Variants in PRDM1 observed in about 807,000 individuals in gnomAD.
PRDM1 encodes the protein PR domain zinc finger protein 1.
In PRDM1, 13 loss-of-function variants were observed where a neutral mutation model predicts 62.8. The observed-to-expected ratio is 0.21, with a 90% CI of 0.13 to 0.33. The LOEUF is 0.33. Ranked by LOEUF, PRDM1 falls within the 10% of genes least tolerant of loss-of-function variation. The pLI, the probability that PRDM1 is intolerant of heterozygous loss-of-function variation, is 1.00. For synonymous variants in PRDM1, 396 were observed against 417.6 expected (o/e 0.95, Z 0.63); for missense variants, 895 against 1,058.8 (o/e 0.85, Z 2.15).
chr6:106,060,093 C>A (rs1446910182), intron 1 of PRDM1, among the ~76,000 whole-genome samples: 1 of 152,072 alleles, frequency 6.6e-6, no homozygotes, highest in African/African-American at 2.4e-5. Flanking sequence ...GAGTTGTCAG[C>A]ATGTAGTTAA....
chr6:106,101,280 G>T (rs1302708078), intron 4 of PRDM1, among the ~76,000 whole-genome samples: 1 of 152,040 alleles, frequency 6.6e-6, no homozygotes, highest in Non-Finnish European at 1.5e-5. Flanking sequence ...CAGTGACTTT[G>T]CACCAACCAC....
At chr6:106,019,446 TA>T (rs201174927) in intron 1 of PRDM1, among the ~76,000 whole-genome samples, 25 of 147,534 alleles carry the variant, frequency 1.7e-4, no homozygotes, top group Admixed American at 2.0e-4. Context: ...TCCCTATAAT[TA>T]AAAAAAAAAT....
chr6:105,999,892 C>T (rs1230588112), intron 1 of PRDM1, among the ~76,000 whole-genome samples: 1 of 152,068 alleles, frequency 6.6e-6, no homozygotes, highest in Non-Finnish European at 1.5e-5. Context: ...CTTGCTCTGT[C>T]GCCCAGGCTG....
Position 106,105,196 on chromosome 6 carries a change from A to G in PRDM1, c.1036A>G (p.Ser346Gly). ...SPSARSSPDQ[S>G]LKSSSPHSSP... The stretch of plus-strand genomic sequence containing the variant: ...CTCTGCAAGAAGCAGCCCCGACCAA[A>G]GCCTCAAGAGCTCCAGCCCTCACAG... The change falls in exon 5 of 7, where the codon AGC becomes GGC. Residue 346 changes from serine to glycine, a missense_variant. Transcript: ENST00000369096. 1 of 1,613,546 alleles carries G rather than the reference A, an allele frequency of 6.2e-7. No homozygotes were observed. The highest frequency in any genetic ancestry group is 8.5e-7 in the Non-Finnish European group (1 of 1,179,920).
At chr6:105,997,454 T>A (rs1772361766) in intron 1 of PRDM1, among the ~76,000 whole-genome samples, 1 of 152,232 alleles carries the variant, frequency 6.6e-6, no homozygotes, top group African/African-American at 2.4e-5. Context: ...AATAGTAGAA[T>A]TTTAGTCCTT....
intron 1 of PRDM1, among the ~76,000 whole-genome samples, chr6:106,060,780 G>A (rs1266173152): frequency 2.6e-5 from 4 of 152,174 alleles, no homozygotes; most frequent in East Asian, 3.9e-4. Flanking sequence ...TGGCATGATG[G>A]CCATTAAGTG....
chr6:106,069,622 A>G (rs138403100), intron 1 of PRDM1, among the ~76,000 whole-genome samples: 1 of 152,304 alleles, frequency 6.6e-6, no homozygotes, highest in East Asian at 1.9e-4. Flanking sequence ...TACCGTGGAG[A>G]AAGAGGGACG....
chr6:106,037,642 A>G (rs1772938766), intron 1 of PRDM1, among the ~76,000 whole-genome samples: 1 of 151,926 alleles, frequency 6.6e-6, no homozygotes, highest in Non-Finnish European at 1.5e-5. Flanking sequence ...CTGGCCAAAT[A>G]CCTCTAGTGA....
At chr6:106,030,047 G>T (rs1032797125) in intron 1 of PRDM1, among the ~76,000 whole-genome samples, 9 of 152,064 alleles carry the variant, frequency 5.9e-5, no homozygotes, top group South Asian at 2.1e-4. Flanking sequence ...TAGAAAATTG[G>T]TTTATGTTTT....
intron 1 of PRDM1, among the ~76,000 whole-genome samples, chr6:106,036,656 G>A (rs1772929582): frequency 6.6e-6 from 1 of 151,936 alleles, no homozygotes; most frequent in Non-Finnish European, 1.5e-5. Context: ...AAACAAAAAA[G>A]TAGAGTTAAA....
chr6:106,054,880 C>T (rs966208724), intron 1 of PRDM1, among the ~76,000 whole-genome samples: 5 of 152,180 alleles, frequency 3.3e-5, no homozygotes, highest in African/African-American at 1.2e-4. Context: ...TAAGCAAAAA[C>T]ATACTACTGA....
rs1022584714 is a variant in PRDM1, at chr6:106,109,290, A to G, written c.*1804A>G. The G allele has an allele frequency of 4.3e-6, 1 of 232,656 alleles. No homozygotes were observed. Among genetic ancestry groups the G allele is most frequent in the East Asian group, 6.0e-5 (1 of 16,568 alleles). 14.4% of individuals were successfully genotyped at this position (232,656 alleles called of 1,614,324 possible). On this transcript the variant is annotated 3_prime_UTR_variant, in exon 7 of 7. Transcript: ENST00000369096. ...TTTAGTATTAAGGACCATCTAAGAC[A>G]GCTCTATTTTTTTTTTGCCACTTTA...
chr6:106,092,935 C>A (rs1261568448), intron 2 of PRDM1, among the ~76,000 whole-genome samples: 2 of 152,024 alleles, frequency 1.3e-5, no homozygotes, highest in African/African-American at 2.4e-5. Flanking sequence ...TTATATGTGC[C>A]CTATAGCACT....
At chr6:106,104,178 G>C in intron 4 of PRDM1, among the ~76,000 whole-genome samples, 1 of 150,274 alleles carries the variant, frequency 6.7e-6, no homozygotes, top group East Asian at 1.9e-4. Flanking sequence ...CCCCACCCCA[G>C]TATTTTTCCA....
rs765004009 is a variant in PRDM1 at position 106,104,964 on chromosome 6, T to G, written c.804T>G (p.Arg268=). The change falls in exon 5 of 7, where the codon CGT becomes CGG. Residue 268 remains arginine, a synonymous_variant. Coordinates refer to ENST00000369096, the MANE Select transcript of PRDM1 (RefSeq NM_001198.4). The part of the protein sequence containing the change: ...SNPSKGKDLY[R]SNISPLTSEK... ...CCTCCAAAGGAAAGGACCTCTACCG[T>G]TCTAACATTTCACCCCTCACATCAG... is the stretch of plus-strand genomic sequence containing the variant. 14 of 1,613,974 alleles carry G rather than the reference T, an allele frequency of 8.7e-6. No individual in the cohort carries two copies. The South Asian group carries it at 1.5e-4, about 18-fold the overall frequency.
chr6:106,090,623 C>T (rs778712490), intron 2 of PRDM1, among the ~76,000 whole-genome samples: 20 of 152,232 alleles, frequency 1.3e-4, no homozygotes, highest in Non-Finnish European at 2.6e-4. Context: ...AAACTAGTTC[C>T]GGGACAGCAA....
chr6:106,013,639 A>T (rs967240823), intron 1 of PRDM1, among the ~76,000 whole-genome samples: 2 of 152,060 alleles, frequency 1.3e-5, no homozygotes, highest in African/African-American at 4.8e-5. Flanking sequence ...ACCTTTTCTT[A>T]AAGTTCCTTT....
At position 106,108,637 on chromosome 6, in the gene PRDM1, A is replaced by G. The variant is rs1774589567; in HGVS notation, c.*1151A>G. On this transcript the variant is annotated 3_prime_UTR_variant, in exon 7 of 7. Transcript: ENST00000369096. ...TTAAAAACAAACACACAAACAACAAAAAACGGGTATTCTAGTCATCTTGGG... is the reference window on the plus strand; with the variant it reads ...TTAAAAACAAACACACAAACAACAAGAAACGGGTATTCTAGTCATCTTGGG... The G allele has an allele frequency of 4.3e-6, 1 of 233,326 alleles. No homozygotes were observed. The highest frequency in any genetic ancestry group is 8.5e-6 in the Non-Finnish European group (1 of 117,952). 14.5% of individuals were successfully genotyped at this position (233,326 alleles called of 1,614,324 possible). A position where few individuals can be genotyped will look rare whatever the true frequency, so the allele number is the denominator to read the frequency against.
chr6:106,088,121 T>TACAGTA (rs1773858311), intron 1 of PRDM1, 80 bp from the exon 2 acceptor site: 1 of 1,493,576 alleles, frequency 6.7e-7, no homozygotes, highest in Non-Finnish European at 9.0e-7. Flanking sequence ...TTCAGACTAC[T>TACAGTA]GTATTAGTCA....
Sources: allele counts gnomAD v4.1 joint callset (sites outside exome capture counted in the v4.1 genomes callset), GRCh38; gene constraint gnomAD v4.1.1; transcripts MANE v1.5; gene names NCBI Gene and HGNC (gene_info 2026-07-23, HGNC 2026-07-21).